Variants in C1orf21 observed in about 807,000 individuals in gnomAD.
C1orf21 encodes the protein chromosome 1 open reading frame 21.
In C1orf21, 3 loss-of-function variants were observed where a neutral mutation model predicts 18.7. The ratio of observed to expected loss-of-function variants is 0.16; its 90% CI spans 0.07 to 0.42. The LOEUF (loss-of-function observed/expected upper bound fraction) is 0.42, where lower values mean the gene tolerates loss of function less well. Ranked by LOEUF, C1orf21 falls within the 10% of genes least tolerant of loss-of-function variation. The pLI is 0.99. For synonymous variants in C1orf21, 41 were observed against 46.4 expected (o/e 0.88, Z 0.47); for missense variants, 104 against 143.6 (o/e 0.72, Z 1.41).
intron 2 of C1orf21, among the ~76,000 whole-genome samples, chr1:184,496,742 A>G (rs1571385857): frequency 2.6e-5 from 4 of 152,330 alleles, no homozygotes; most frequent in South Asian, 2.1e-4. Context: ...TGCACCCTGT[A>G]TGAGCTATCC....
At chr1:184,607,796 A>G (rs888982785) in intron 5 of C1orf21, among the ~76,000 whole-genome samples, 2 of 151,768 alleles carry the variant, frequency 1.3e-5, no homozygotes, top group African/African-American at 2.4e-5. Context: ...TAGATTTCAA[A>G]TACAATTATT....
intron 3 of C1orf21, among the ~76,000 whole-genome samples, chr1:184,584,721 G>C (rs749856628): frequency 3.3e-5 from 5 of 152,166 alleles, no homozygotes; most frequent in Non-Finnish European, 7.3e-5. Context: ...CCATACATTG[G>C]AATATTATTT....
chr1:184,397,896 T>C (rs1394885044), intron 1 of C1orf21, among the ~76,000 whole-genome samples: 1 of 152,210 alleles, frequency 6.6e-6, no homozygotes, highest in Non-Finnish European at 1.5e-5. Context: ...AAGAACACTT[T>C]AAGTTACAGC....
intron 5 of C1orf21, among the ~76,000 whole-genome samples, chr1:184,606,566 C>A (rs1659649741): frequency 6.6e-6 from 1 of 152,098 alleles, no homozygotes; most frequent in Admixed American, 6.6e-5. Context: ...GGTGACAGAG[C>A]AAGACTTTGT....
At chr1:184,563,515 C>A (rs1658994164) in intron 3 of C1orf21, among the ~76,000 whole-genome samples, 1 of 152,248 alleles carries the variant, frequency 6.6e-6, no homozygotes, top group Middle Eastern at 3.4e-3. Flanking sequence ...CTCCCCCTAG[C>A]ATACATAATT....
intron 3 of C1orf21, among the ~76,000 whole-genome samples, chr1:184,570,872 C>G (rs540054252): frequency 1.3e-5 from 2 of 152,294 alleles, no homozygotes; most frequent in African/African-American, 4.8e-5. Flanking sequence ...TTCTACACAC[C>G]TAGGCTCTAT....
rs2102015333 is a variant in C1orf21, at chr1:184,622,248, G to A, written c.*2692G>A. On this transcript the variant is annotated 3_prime_UTR_variant, in exon 6 of 6. Transcript: ENST00000235307. ...AGGGAGGGTAAGTGGCCTGGTGAGT[G>A]GAGGTAGAAAAATGATGAGAAATGA... 1 of 152,282 alleles carries A rather than the reference G, an allele frequency of 6.6e-6. No homozygotes were observed. The highest frequency in any genetic ancestry group is 1.9e-4 in the East Asian group (1 of 5,190). 9.4% of individuals were successfully genotyped at this position (152,282 alleles called of 1,614,324 possible). A position where few individuals can be genotyped will look rare whatever the true frequency, so the allele number is the denominator to read the frequency against.
At chr1:184,421,050 C>T (rs1163557561) in intron 1 of C1orf21, among the ~76,000 whole-genome samples, 1 of 152,138 alleles carries the variant, frequency 6.6e-6, no homozygotes, top group East Asian at 1.9e-4. Flanking sequence ...CTATTAACTT[C>T]ATAGTTTCAC....
intron 1 of C1orf21, among the ~76,000 whole-genome samples, chr1:184,398,032 T>A (rs2101955586): frequency 6.6e-6 from 1 of 151,850 alleles, no homozygotes; most frequent in East Asian, 1.9e-4. Flanking sequence ...ACTGAGAGGG[T>A]CAAGGAGAGG....
chr1:184,497,813 G>T (rs1413918555), intron 2 of C1orf21, among the ~76,000 whole-genome samples: 1 of 152,048 alleles, frequency 6.6e-6, no homozygotes, highest in Admixed American at 6.6e-5. Flanking sequence ...AGAGACATAC[G>T]AAAAGAAGCA....
At chr1:184,559,793 A>C (rs1048013054) in intron 3 of C1orf21, among the ~76,000 whole-genome samples, 2 of 151,748 alleles carry the variant, frequency 1.3e-5, no homozygotes, top group African/African-American at 4.8e-5. Context: ...AATTTTTGTA[A>C]TTCTTATAAA....
At chr1:184,517,531 G>A (rs1416752) in intron 3 of C1orf21, among the ~76,000 whole-genome samples, 90,330 of 151,820 alleles carry the variant, frequency 0.59, 28,106 homozygotes, top group African/African-American at 0.8. Flanking sequence ...AGAATAAAGT[G>A]AAAGAAACCA....
chr1:184,619,727 G>C lies in C1orf21; in HGVS notation c.*171G>C. ...AGTGTTTCTTAATGAACTTGCAAAG[G>C]AATATTGCTAAAAACAAACAAAAAA... On this transcript the variant is annotated 3_prime_UTR_variant, in exon 6 of 6. Coordinates refer to ENST00000235307, the MANE Select transcript of C1orf21 (RefSeq NM_030806.4). The C allele has an allele frequency of 1.9e-6, 1 of 514,274 alleles. No individual in the cohort carries two copies. Among genetic ancestry groups the C allele is most frequent in the Non-Finnish European group, 3.3e-6 (1 of 302,830 alleles). The allele number at this position is 514,274 out of a possible 1,614,324, so 31.9% of individuals were successfully genotyped here.
At chr1:184,517,788 T>A (rs978908435) in intron 3 of C1orf21, among the ~76,000 whole-genome samples, 4 of 152,164 alleles carry the variant, frequency 2.6e-5, no homozygotes, top group Non-Finnish European at 5.9e-5. Flanking sequence ...ATATACCCTT[T>A]CCTAGACAGT....
At chr1:184,599,081 G>T (rs1659554084) in intron 5 of C1orf21, among the ~76,000 whole-genome samples, 1 of 152,170 alleles carries the variant, frequency 6.6e-6, no homozygotes, top group South Asian at 2.1e-4. Flanking sequence ...TATACTGACA[G>T]TAAGATACAA....
chr1:184,499,496 G>T (rs1326682551), intron 2 of C1orf21, among the ~76,000 whole-genome samples: 1 of 152,172 alleles, frequency 6.6e-6, no homozygotes, highest in East Asian at 1.9e-4. Context: ...GGTGACAAGA[G>T]AGGATATGGT....
At chr1:184,614,553 C>T (rs1200806228) in intron 5 of C1orf21, among the ~76,000 whole-genome samples, 4 of 114,772 alleles carry the variant, frequency 3.5e-5, no homozygotes, top group African/African-American at 1.3e-4. Context: ...TTGTGGAAGA[C>T]AATTTTTCCA....
At chr1:184,460,437 C>T (rs1657283823) in intron 1 of C1orf21, among the ~76,000 whole-genome samples, 1 of 152,048 alleles carries the variant, frequency 6.6e-6, no homozygotes, top group Admixed American at 6.6e-5. Context: ...TAGCATTGAA[C>T]ATCCATCAAT....
intron 1 of C1orf21, among the ~76,000 whole-genome samples, chr1:184,409,019 CTGAGT>C (rs1464204729): frequency 6.6e-6 from 1 of 152,230 alleles, no homozygotes; most frequent in African/African-American, 2.4e-5. Flanking sequence ...GAAGAAACTA[CTGAGT>C]TATTTCAGCT....
Sources: allele counts gnomAD v4.1 joint callset (sites outside exome capture counted in the v4.1 genomes callset), GRCh38; gene constraint gnomAD v4.1.1; transcripts MANE v1.5; gene names NCBI Gene and HGNC (gene_info 2026-07-23, HGNC 2026-07-21).